Variants in SOBP observed in about 807,000 individuals in gnomAD.
SOBP encodes the protein sine oculis binding protein homolog, also known as sine oculis-binding protein homolog.
SOBP carries 4 observed loss-of-function variants against 53.6 expected under a neutral mutation model. The observed-to-expected ratio is 0.07, with a 90% CI of 0.04 to 0.17. The LOEUF is 0.17. SOBP is among the 10% of genes least tolerant of loss of function. The pLI is 1.00. For missense variants in SOBP, 1,088 were observed against 1,204.7 expected (o/e 0.90, Z 1.43); for synonymous variants, 584 against 522.6 (o/e 1.12, Z -1.60).
chr6:107,497,718 C>T (rs1562571877), intron 1 of SOBP, among the ~76,000 whole-genome samples: 1 of 152,064 alleles, frequency 6.6e-6, no homozygotes, highest in East Asian at 1.9e-4. Flanking sequence ...ATTTTAGTGG[C>T]AAAATAGTAT....
In SOBP at chr6:107,614,449, CTG is replaced by C. The variant is rs146954613; in HGVS notation, c.670-19063_670-19062del. On this transcript the variant is annotated intron_variant, in intron 5 of 6. Transcript: ENST00000317357. ...CAAAAAGGCCAGGGAGCACATGACACTGTTGCCAGGTTTATGAAGGGCTGCCG... is the reference window on the plus strand; with the variant it reads ...CAAAAAGGCCAGGGAGCACATGACACTTGCCAGGTTTATGAAGGGCTGCCG... Among the ~76,000 whole-genome samples the C allele has an allele frequency of 7.3e-3, 1,114 of 152,322 alleles. 17 individuals carry two copies. The highest frequency in any genetic ancestry group is 0.029 in the East Asian group (150 of 5,190).
intron 5 of SOBP, among the ~76,000 whole-genome samples, chr6:107,616,963 G>A (rs1005048332): frequency 2.6e-5 from 4 of 152,180 alleles, no homozygotes; most frequent in Non-Finnish European, 5.9e-5. Context: ...TGTGGTGAGA[G>A]AGGATGAACA....
rs1183048312 is a variant in SOBP, at chr6:107,634,625, C to T, written c.1781C>T (p.Ser594Phe). 6 of 1,589,214 alleles carry T rather than the reference C, an allele frequency of 3.8e-6. No homozygotes were observed. The highest frequency in any genetic ancestry group is 1.3e-5 in the African/African-American group (1 of 74,550). Residue 594 changes from serine to phenylalanine, a missense_variant, in exon 6 of 7, where the codon TCC (serine) becomes TTC (phenylalanine). Ser to Phe is a radical substitution (Grantham distance 155). Coordinates refer to ENST00000317357, the MANE Select transcript of SOBP (RefSeq NM_018013.4). The surrounding 1 kb of genome is among the most constrained non-coding windows in gnomAD (Gnocchi z 4.5). ...PRDSKQGSSKSADSPPGCSGQ... is the reference protein window; with the variant it reads ...PRDSKQGSSKFADSPPGCSGQ... The stretch of plus-strand genomic sequence containing the variant: ...GACTCCAAGCAGGGCTCGTCCAAGT[C>T]CGCGGACTCGCCCCCCGGCTGCTCG...
At chr6:107,601,961 G>A (rs982386212) in intron 5 of SOBP, among the ~76,000 whole-genome samples, 9 of 152,172 alleles carry the variant, frequency 5.9e-5, no homozygotes, top group Non-Finnish European at 1.2e-4. Context: ...TAGTCCAGTG[G>A]TGTGTAATTG....
chr6:107,648,455 C>T (rs914588946), intron 6 of SOBP, among the ~76,000 whole-genome samples: 6 of 151,800 alleles, frequency 4.0e-5, no homozygotes, highest in Non-Finnish European at 7.4e-5. Flanking sequence ...GAGCTGTGGG[C>T]CAGGGGCCTG....
intron 4 of SOBP, among the ~76,000 whole-genome samples, chr6:107,574,448 G>T (rs1170497132): frequency 6.6e-6 from 1 of 152,088 alleles, no homozygotes; most frequent in Non-Finnish European, 1.5e-5. Flanking sequence ...CCTGAGAAAA[G>T]ATTTGAGCTG....
chr6:107,615,217 T>C (rs1786742323), intron 5 of SOBP, among the ~76,000 whole-genome samples: 1 of 152,194 alleles, frequency 6.6e-6, no homozygotes, highest in Admixed American at 6.5e-5. Flanking sequence ...TCTTCAGACA[T>C]TTGAAGGACA....
chr6:107,654,834 C>G (rs1467414806), intron 6 of SOBP, among the ~76,000 whole-genome samples: 2 of 94,700 alleles, frequency 2.1e-5, no homozygotes, highest in African/African-American at 1.3e-4. Flanking sequence ...GGGAGGGTGG[C>G]TGAGGAACAG....
In SOBP at chr6:107,627,797, C is replaced by CCT. The variant is rs1770528951; in HGVS notation, c.670-5711_670-5710dup. Among the ~76,000 whole-genome samples, 5 of 152,318 alleles carry CCT rather than the reference C, an allele frequency of 3.3e-5. No homozygotes were observed. In the South Asian group the frequency reaches 1.0e-3, roughly 32 times the overall value. ...GCCCTTCCTGTTTCTACTTTAAATTCCTCTCTCAATTCCGTATGGCTTTGC... is the reference window on the plus strand; with the variant it reads ...GCCCTTCCTGTTTCTACTTTAAATTCCTCTCTCTCAATTCCGTATGGCTTTGC... On this transcript the variant is annotated intron_variant, in intron 5 of 6. Coordinates refer to ENST00000317357, the MANE Select transcript of SOBP (RefSeq NM_018013.4).
At chr6:107,627,489 C>T (rs1583287270) in intron 5 of SOBP, among the ~76,000 whole-genome samples, 1 of 152,178 alleles carries the variant, frequency 6.6e-6, no homozygotes, top group South Asian at 2.1e-4. Context: ...GAACTTGAGT[C>T]ATGGTATAAA....
intron 3 of SOBP, among the ~76,000 whole-genome samples, chr6:107,522,369 C>T (rs1282206502): frequency 1.3e-5 from 2 of 152,020 alleles, no homozygotes; most frequent in Non-Finnish European, 2.9e-5. Context: ...AACTACATGA[C>T]AGTGAGTTAG....
chr6:107,656,853 C>T (rs1386730583), intron 6 of SOBP, among the ~76,000 whole-genome samples: 1 of 152,224 alleles, frequency 6.6e-6, no homozygotes, highest in Non-Finnish European at 1.5e-5. Context: ...TATCACCTCT[C>T]TGAAGTTATT....
chr6:107,491,306 C>T (rs901844103), intron 1 of SOBP, among the ~76,000 whole-genome samples: 3 of 152,224 alleles, frequency 2.0e-5, no homozygotes, highest in African/African-American at 7.2e-5. Context: ...TCACCACTGG[C>T]AGCCTCCGCC....
At chr6:107,544,262 G>C (rs1342195852) in intron 4 of SOBP, among the ~76,000 whole-genome samples, 1 of 152,228 alleles carries the variant, frequency 6.6e-6, no homozygotes, top group Non-Finnish European at 1.5e-5. Context: ...AATGCTTCAA[G>C]TTCAGGTGGC....
At chr6:107,626,973 G>A (rs1475853585) in intron 5 of SOBP, among the ~76,000 whole-genome samples, 1 of 152,158 alleles carries the variant, frequency 6.6e-6, no homozygotes, top group African/African-American at 2.4e-5. Context: ...ACTGCTTTGA[G>A]ATTTCTTAGG....
intron 3 of SOBP, among the ~76,000 whole-genome samples, chr6:107,516,902 A>G (rs1312087107): frequency 1.3e-5 from 2 of 152,208 alleles, no homozygotes; most frequent in Non-Finnish European, 2.9e-5. Context: ...CCATGTTTAT[A>G]GATTAGAGAC....
intron 4 of SOBP, among the ~76,000 whole-genome samples, chr6:107,544,861 G>T (rs1332357331): frequency 6.6e-6 from 1 of 152,156 alleles, no homozygotes; most frequent in East Asian, 1.9e-4. Flanking sequence ...TTAGTTGCTT[G>T]CCTGCTGGCC....
intron 6 of SOBP, among the ~76,000 whole-genome samples, chr6:107,650,639 A>T (rs114993174): frequency 9.0e-4 from 137 of 152,338 alleles, no homozygotes; most frequent in African/African-American, 3.2e-3. Context: ...AAACTTAGTC[A>T]ATAAACGTTG....
chr6:107,630,026 C>A (rs975203921), intron 5 of SOBP, among the ~76,000 whole-genome samples: 1 of 152,118 alleles, frequency 6.6e-6, no homozygotes, highest in Non-Finnish European at 1.5e-5. Flanking sequence ...TGTTGGGTCC[C>A]CAGATTGGCA....
Sources: allele counts gnomAD v4.1 joint callset (sites outside exome capture counted in the v4.1 genomes callset), GRCh38; gene constraint gnomAD v4.1.1; non-coding constraint Gnocchi (gnomAD v3.1); transcripts MANE v1.5; gene names NCBI Gene and HGNC (gene_info 2026-07-23, HGNC 2026-07-21).